CDKAL1: variants seen among roughly 807,000 people sequenced by gnomAD.
CDKAL1 encodes the protein threonylcarbamoyladenosine tRNA methylthiotransferase.
In CDKAL1, 32 loss-of-function variants were observed where a neutral mutation model predicts 68.2. That is an observed-to-expected ratio of 0.47 (90% CI 0.35 to 0.63). The LOEUF (loss-of-function observed/expected upper bound fraction) is 0.63. CDKAL1 is among the 30% of genes least tolerant of loss of function. CDKAL1 has a pLI of 0.00. For missense variants in CDKAL1, 606 were observed against 696.7 expected, an observed-to-expected ratio of 0.87 and a Z score of 1.47; for synonymous variants, 234 against 244.3, an observed-to-expected ratio of 0.96 and a Z score of 0.39.
At chr6:20,575,212 A>G (rs763464406) in intron 4 of CDKAL1, among the ~76,000 whole-genome samples, 18 of 152,096 alleles carry the variant, frequency 1.2e-4, no homozygotes, top group Non-Finnish European at 2.4e-4. Flanking sequence ...AATTTTGGCC[A>G]TATCTATCTT....
At chr6:20,937,451 A>G (rs796995320) in intron 9 of CDKAL1, among the ~76,000 whole-genome samples, 9 of 152,346 alleles carry the variant, frequency 5.9e-5, no homozygotes, top group African/African-American at 1.9e-4. Flanking sequence ...AACGTTGGTA[A>G]AATACTATTA....
intron 9 of CDKAL1, among the ~76,000 whole-genome samples, chr6:20,908,037 C>A (rs6909682): frequency 6.6e-6 from 1 of 152,286 alleles, no homozygotes; most frequent in Middle Eastern, 3.4e-3. Flanking sequence ...CACTTTTGCT[C>A]CAAAACTTGT....
chr6:20,845,881 G>A (rs764922768), intron 8 of CDKAL1, among the ~76,000 whole-genome samples, 194 bp from the exon 9 acceptor site: 1 of 152,166 alleles, frequency 6.6e-6, no homozygotes, highest in African/African-American at 2.4e-5. Context: ...AAACTTAAAA[G>A]AATTGCAAAT....
intron 13 of CDKAL1, among the ~76,000 whole-genome samples, chr6:21,189,508 T>C (rs1778150223): frequency 6.6e-6 from 1 of 152,170 alleles, no homozygotes; most frequent in African/African-American, 2.4e-5. Context: ...AATGAATGCC[T>C]TTTTTTGTCA....
chr6:20,951,987 C>G (rs1245589813), intron 9 of CDKAL1, among the ~76,000 whole-genome samples: 6 of 114,510 alleles, frequency 5.2e-5, no homozygotes, highest in Non-Finnish European at 9.9e-5. Context: ...GAGACGGAGT[C>G]TTGCTCTGTC....
intron 9 of CDKAL1, among the ~76,000 whole-genome samples, chr6:20,869,184 C>G (rs61694658): frequency 2.6e-5 from 4 of 152,290 alleles, no homozygotes; most frequent in East Asian, 3.9e-4. Flanking sequence ...AATTCACAAT[C>G]TCGGCCATGT....
chr6:21,122,485 C>T (rs1369476719), intron 13 of CDKAL1, among the ~76,000 whole-genome samples: 1 of 152,118 alleles, frequency 6.6e-6, no homozygotes, highest in East Asian at 1.9e-4. Context: ...AGACTTTTCT[C>T]ACATTAGACT....
At chr6:20,604,160 T>C (rs1766231273) in intron 4 of CDKAL1, among the ~76,000 whole-genome samples, 1 of 152,184 alleles carries the variant, frequency 6.6e-6, no homozygotes, top group African/African-American at 2.4e-5. Context: ...ACGTGCTGTG[T>C]GCATGTCAGT....
At chr6:20,733,515 A>T (rs943331940) in intron 5 of CDKAL1, among the ~76,000 whole-genome samples, 1 of 152,262 alleles carries the variant, frequency 6.6e-6, no homozygotes, top group East Asian at 1.9e-4. Context: ...ACAAAGGTGC[A>T]TTCTAGAGAA....
intron 5 of CDKAL1, among the ~76,000 whole-genome samples, chr6:20,665,839 G>T (rs150595325): frequency 2.2e-4 from 34 of 152,090 alleles, no homozygotes; most frequent in African/African-American, 8.0e-4. Flanking sequence ...TGCATGTTAA[G>T]TGGGGCTTTC....
intron 11 of CDKAL1, among the ~76,000 whole-genome samples, chr6:21,024,600 C>T (rs1031790990): frequency 1.2e-4 from 19 of 152,172 alleles, no homozygotes; most frequent in African/African-American, 4.3e-4. Context: ...CAGCCTCATA[C>T]ACTTATTAGA....
Position 20,705,023 on chromosome 6 carries a change from G to T in CDKAL1, c.372-34496G>T, listed in dbSNP as rs78334844. ...TTTCTTATTGTACTTGGGTAAAGGG[G>T]AGAATAGAAGTAGAATGATAATTAA... is the stretch of plus-strand genomic sequence containing the variant. On this transcript the variant is annotated intron_variant, in intron 5 of 15. Transcript: ENST00000274695. Among the ~76,000 whole-genome samples, 7 of 152,318 alleles carry T rather than the reference G, an allele frequency of 4.6e-5. No homozygotes were observed. In the East Asian group the frequency reaches 1.3e-3, roughly 29 times the overall value.
intron 4 of CDKAL1, among the ~76,000 whole-genome samples, chr6:20,575,092 A>G (rs1374097566): frequency 1.3e-5 from 2 of 152,196 alleles, no homozygotes; most frequent in Admixed American, 6.5e-5. Flanking sequence ...GACAAAGGCA[A>G]TGGTGAAAAT....
chr6:20,817,756 C>A (rs1038086073), intron 8 of CDKAL1, among the ~76,000 whole-genome samples: 3 of 152,142 alleles, frequency 2.0e-5, no homozygotes, highest in Non-Finnish European at 4.4e-5. Flanking sequence ...CTCCGGCAAG[C>A]ATACAAACAC....
chr6:21,072,478 C>CT (rs1771833551), intron 12 of CDKAL1, among the ~76,000 whole-genome samples: 1 of 131,976 alleles, frequency 7.6e-6, no homozygotes. Flanking sequence ...TTTTAAATGC[C>CT]TTTTTTTCGG....
At chr6:20,753,957 ATGTGTGTGTGTG>A (rs112105313) in intron 6 of CDKAL1, among the ~76,000 whole-genome samples, 8 of 147,808 alleles carry the variant, frequency 5.4e-5, no homozygotes, top group South Asian at 4.4e-4. Context: ...TATTATCTGT[ATGTGTGTGTGTG>A]TGTGTGTGTG....
intron 4 of CDKAL1, among the ~76,000 whole-genome samples, chr6:20,628,051 T>A (rs1260080707): frequency 1.3e-5 from 2 of 152,164 alleles, no homozygotes; most frequent in African/African-American, 4.8e-5. Context: ...AGAGACAGTT[T>A]TATTTGTTCA....
At chr6:20,990,304 T>C (rs1766725534) in intron 10 of CDKAL1, among the ~76,000 whole-genome samples, 1 of 152,146 alleles carries the variant, frequency 6.6e-6, no homozygotes, top group African/African-American at 2.4e-5. Flanking sequence ...TAAATGTGTT[T>C]GTGTGTGTAA....
chr6:21,101,298 G>A (rs1007812909), intron 12 of CDKAL1, among the ~76,000 whole-genome samples: 3 of 152,138 alleles, frequency 2.0e-5, no homozygotes, highest in Non-Finnish European at 4.4e-5. Flanking sequence ...ATACCCGAGA[G>A]CTTTTAAATA....
Sources: gnomAD v4.1 joint callset for allele counts (sites outside exome capture counted in the v4.1 genomes callset) on GRCh38, gnomAD v4.1.1 for gene constraint, MANE v1.5 for transcripts, NCBI Gene and HGNC (gene_info 2026-07-23, HGNC 2026-07-21) for gene names.